The following GABRA4 variants were observed in gnomAD, a reference collection of about 807,000 sequenced individuals.
GABRA4 encodes the protein gamma-aminobutyric acid type A receptor subunit alpha4.
Under a neutral mutation model 49.7 loss-of-function variants are expected in GABRA4, and 12 were observed. That is an observed-to-expected ratio of 0.24 (90% CI 0.15 to 0.39). GABRA4 has a LOEUF of 0.39. GABRA4 is among the 10% of genes least tolerant of loss of function. The pLI is 1.00. For synonymous variants in GABRA4, 288 were observed against 240.2 expected, an observed-to-expected ratio of 1.20 and a Z score of -1.84; for missense variants, 506 against 686.0, an observed-to-expected ratio of 0.74 and a Z score of 2.93.
chr4:46,931,643 C>T (rs780512154), intron 8 of GABRA4, among the ~76,000 whole-genome samples: 4 of 152,100 alleles, frequency 2.6e-5, no homozygotes, highest in Non-Finnish European at 4.4e-5. Context: ...TGGCTAATGA[C>T]TTTCTTTGTT....
chr4:46,941,179 A>T (rs980773605), intron 8 of GABRA4, among the ~76,000 whole-genome samples: 4 of 151,982 alleles, frequency 2.6e-5, no homozygotes, highest in African/African-American at 7.2e-5. Flanking sequence ...TAGGCAGTAA[A>T]GGAAATGTGC....
At position 46,919,614 on chromosome 4, in the gene GABRA4, A is replaced by G. The variant is rs921651896; in HGVS notation, c.*8611T>C. The G allele has an allele frequency of 6.6e-6, 1 of 151,758 alleles. No individual in the cohort carries two copies. Among genetic ancestry groups the G allele is most frequent in the South Asian group, 2.1e-4 (1 of 4,812 alleles). 9.4% of individuals were successfully genotyped at this position (151,758 alleles called of 1,614,324 possible). On this transcript the variant is annotated 3_prime_UTR_variant, in exon 9 of 9. Coordinates refer to ENST00000264318, the MANE Select transcript of GABRA4 (RefSeq NM_000809.4). ...TTATTGTTTTTTTACTTCTATAATA[A>G]GGAATATTTTCAATTGTACAACTAA...
chr4:46,933,725 C>T (rs778292735), intron 8 of GABRA4, among the ~76,000 whole-genome samples: 2 of 152,128 alleles, frequency 1.3e-5, no homozygotes, highest in South Asian at 2.1e-4. Flanking sequence ...TGTTGTGTTT[C>T]GTACAGAGTG....
rs1262999713 is a variant in GABRA4, at chr4:46,923,608, A to G, written c.*4617T>C. 2.6e-5 allele frequency: 4 copies of G among 152,136 alleles called. No homozygotes were observed. The highest frequency in any genetic ancestry group is 5.9e-5 in the Non-Finnish European group (4 of 68,008). The allele number at this position is 152,136 out of a possible 1,614,324, so 9.4% of individuals were successfully genotyped here. A position where few individuals can be genotyped will look rare whatever the true frequency, so the allele number is the denominator to read the frequency against. On this transcript the variant is annotated 3_prime_UTR_variant, in exon 9 of 9. Transcript: ENST00000264318. ...AAAAGAAAAAAGGAATAGAAGGCAA[A>G]GTTTAAGACAGGAAAGAAAAAATAA...
chr4:46,988,975 C>T (rs760962733), intron 2 of GABRA4, among the ~76,000 whole-genome samples: 2 of 152,102 alleles, frequency 1.3e-5, no homozygotes, highest in Non-Finnish European at 2.9e-5. Flanking sequence ...TTTGTGTTGT[C>T]GTAATAATCT....
At chr4:46,985,307 C>T (rs1256679216) in intron 2 of GABRA4, among the ~76,000 whole-genome samples, 1 of 151,858 alleles carries the variant, frequency 6.6e-6, no homozygotes, top group Non-Finnish European at 1.5e-5. Context: ...ACGGAGAAGA[C>T]AGGAAGATAG....
chr4:46,990,350 T>A (rs998164306), intron 2 of GABRA4, among the ~76,000 whole-genome samples: 11 of 152,220 alleles, frequency 7.2e-5, no homozygotes, highest in Admixed American at 2.0e-4. Context: ...ATGGCTCACA[T>A]ATATTGTTTT....
In GABRA4 at chr4:46,974,378, A is replaced by G. The variant is rs1279237056; in HGVS notation, c.578-3T>C. The G allele has an allele frequency of 1.2e-6, 2 of 1,607,706 alleles. No homozygotes were observed. The highest frequency in any genetic ancestry group is 1.1e-5 in the South Asian group (1 of 89,902). ...CATCTCACTCTTTGGATAGGCATCT[A>G]AAAGAGAGCACAGAATGTGGTTAGA... is the stretch of plus-strand genomic sequence containing the variant. On this transcript the variant is annotated splice_polypyrimidine_tract_variant and splice_region_variant and intron_variant, in intron 5 of 8. Coordinates refer to ENST00000264318, the MANE Select transcript of GABRA4 (RefSeq NM_000809.4).
intron 8 of GABRA4, among the ~76,000 whole-genome samples, chr4:46,953,297 T>C (rs1025724483): frequency 2.0e-5 from 3 of 152,088 alleles, no homozygotes; most frequent in Non-Finnish European, 4.4e-5. Flanking sequence ...TGCTTCTTTG[T>C]AGTGTCCCTT....
Position 46,977,616 on chromosome 4 carries a change from A to G in GABRA4, c.288T>C (p.Asp96=). 1 of 1,611,186 alleles carries G rather than the reference A, an allele frequency of 6.2e-7. No individual in the cohort carries two copies. Among genetic ancestry groups the G allele is most frequent in the African/African-American group, 1.3e-5 (1 of 74,906 alleles). ...CAATCCATGTCTGCCTGAAGAACAC[A>G]TCCATTGTGTATTCCTAGGACAATT... ...VSDVEMEYTM[D]VFFRQTWIDK... The change falls in exon 4 of 9, where the codon GAT becomes GAC. Residue 96 remains aspartate, a synonymous_variant. Coordinates refer to ENST00000264318, the MANE Select transcript of GABRA4 (RefSeq NM_000809.4).
intron 8 of GABRA4, among the ~76,000 whole-genome samples, chr4:46,933,257 C>T (rs1475057286): frequency 2.0e-5 from 3 of 152,110 alleles, no homozygotes; most frequent in Admixed American, 6.6e-5. Context: ...TGATAAATTG[C>T]ATTAAAATGG....
chr4:46,963,275 A>C (rs1166375479), intron 8 of GABRA4, among the ~76,000 whole-genome samples: 2 of 151,830 alleles, frequency 1.3e-5, no homozygotes, highest in Non-Finnish European at 2.9e-5. Flanking sequence ...CCAATCAAAA[A>C]TGGGCAAAAA....
chr4:46,934,774 C>T (rs1721552293), intron 8 of GABRA4, among the ~76,000 whole-genome samples: 2 of 152,032 alleles, frequency 1.3e-5, no homozygotes. Flanking sequence ...CTAGTGTTTC[C>T]TTTTTATTTG....
intron 8 of GABRA4, among the ~76,000 whole-genome samples, chr4:46,939,404 A>C (rs1721716205): frequency 1.3e-5 from 2 of 152,046 alleles, no homozygotes; most frequent in Admixed American, 6.6e-5. Flanking sequence ...GTTTTCACAA[A>C]TAACCTCACA....
At chr4:46,929,255 A>G (rs980810031) in intron 8 of GABRA4, among the ~76,000 whole-genome samples, 8 of 151,984 alleles carry the variant, frequency 5.3e-5, no homozygotes, top group African/African-American at 1.7e-4. Flanking sequence ...TCCTTTATTT[A>G]AAAAAGTCCA....
intron 2 of GABRA4, among the ~76,000 whole-genome samples, chr4:46,986,585 A>T (rs1051155774): frequency 6.6e-6 from 1 of 151,980 alleles, no homozygotes; most frequent in Non-Finnish European, 1.5e-5. Flanking sequence ...TCAAAACTCA[A>T]TATTTGTACC....
chr4:46,982,907 G>A (rs1282849477), intron 2 of GABRA4, among the ~76,000 whole-genome samples: 1 of 151,962 alleles, frequency 6.6e-6, no homozygotes, highest in Non-Finnish European at 1.5e-5. Flanking sequence ...ACAGATTGAG[G>A]GGCTGGTATG....
Position 46,920,884 on chromosome 4 carries a change from G to T in GABRA4, c.*7341C>A, listed in dbSNP as rs992189447. 2 of 151,782 alleles carry T rather than the reference G, an allele frequency of 1.3e-5. No individual in the cohort carries two copies. Among genetic ancestry groups the T allele is most frequent in the African/African-American group, 4.8e-5 (2 of 41,392 alleles). The allele number at this position is 151,782 out of a possible 1,614,324, so 9.4% of individuals were successfully genotyped here. On this transcript the variant is annotated 3_prime_UTR_variant, in exon 9 of 9. Transcript: ENST00000264318. ...ATTTAATTTATCCTTTACTACTTGT[G>T]TAACATAATCAACTCTGTCATAGCT...
At chr4:46,976,962 A>C in intron 5 of GABRA4, 99 bp downstream of exon 5, 1 of 685,440 alleles carries the variant, frequency 1.5e-6, no homozygotes, top group South Asian at 1.8e-5. Flanking sequence ...GTTATGGACC[A>C]TGACTTAAAT....
Sources: gnomAD v4.1 joint callset for allele counts (sites outside exome capture counted in the v4.1 genomes callset) on GRCh38, gnomAD v4.1.1 for gene constraint, MANE v1.5 for transcripts, NCBI Gene and HGNC (gene_info 2026-07-23, HGNC 2026-07-21) for gene names.